Variants in EPB41L3 observed in about 807,000 individuals in gnomAD.
EPB41L3 encodes erythrocyte membrane protein band 4.1 like 3, also known as band 4.1-like protein 3.
EPB41L3 carries 57 observed loss-of-function variants against 127.1 expected under a neutral mutation model. That is an observed-to-expected ratio of 0.45 (90% CI 0.36 to 0.56). EPB41L3 has a LOEUF of 0.56. Among genes scored for constraint, EPB41L3 ranks in the 20% least tolerant of loss-of-function variants. EPB41L3 has a pLI of 0.00. For synonymous variants in EPB41L3, 572 were observed against 549.5 expected (o/e 1.04, Z -0.57); for missense variants, 1,273 against 1,372.2 (o/e 0.93, Z 1.14).
intron 2 of EPB41L3, among the ~76,000 whole-genome samples, chr18:5,487,328 T>C (rs976239129): frequency 6.6e-6 from 1 of 151,552 alleles, no homozygotes; most frequent in Non-Finnish European, 1.5e-5. Context: ...CTGGGAAGGA[T>C]AGGGAGGATG....
At chr18:5,427,095 TG>T (rs1158318260) in intron 9 of EPB41L3, among the ~76,000 whole-genome samples, 1 of 152,132 alleles carries the variant, frequency 6.6e-6, no homozygotes, top group African/African-American at 2.4e-5. Context: ...CTTAAATCCT[TG>T]GGCCCAGGTG....
At chr18:5,550,954 C>T (rs532011990) in intron 3 of EPB41L3, among the ~76,000 whole-genome samples, 5 of 152,324 alleles carry the variant, frequency 3.3e-5, no homozygotes, top group South Asian at 2.1e-4. Flanking sequence ...TCCCCTCCCA[C>T]GTCTTCTCAG....
intron 2 of EPB41L3, among the ~76,000 whole-genome samples, chr18:5,484,272 T>TA (rs112251771): frequency 6.2e-5 from 9 of 146,288 alleles, no homozygotes; most frequent in Admixed American, 1.4e-4. Context: ...ACTAAGAAGT[T>TA]AAAAAAAAAA....
chr18:5,605,262 G>A (rs998111879), intron 3 of EPB41L3, among the ~76,000 whole-genome samples: 2 of 152,056 alleles, frequency 1.3e-5, no homozygotes, highest in African/African-American at 4.8e-5. Flanking sequence ...TCAACACCTT[G>A]GCCACCCATG....
chr18:5,437,998 A>G, intron 6 of EPB41L3, 37 bp downstream of exon 6: 4 of 1,586,932 alleles, frequency 2.5e-6, no homozygotes, highest in Non-Finnish European at 3.5e-6. Context: ...CAACTCTCCC[A>G]ATATGCTTGT....
At chr18:5,424,637 G>T (rs1037347130) in intron 9 of EPB41L3, among the ~76,000 whole-genome samples, 2 of 152,076 alleles carry the variant, frequency 1.3e-5, no homozygotes, top group Non-Finnish European at 2.9e-5. Flanking sequence ...AACACGAAAA[G>T]GGGTTTTTTT....
Position 5,396,201 on chromosome 18 carries a change from C to A in EPB41L3, c.2973G>T (p.Gln991His). 6.2e-7 allele frequency: 1 copy of A among 1,614,076 alleles called. No homozygotes were observed. Reference sequence around the variant, plus strand: ...CTCTGGTCTTCACAGAATATCTCACCTGTGATGATTCATATGTGATGGTTT... The same window carrying A: ...CTCTGGTCTTCACAGAATATCTCACATGTGATGATTCATATGTGATGGTTT... ...ETKTITYESS[Q>H]VDPGTDLEPG... The change falls in exon 19 of 23, where the codon CAG (glutamine) becomes CAT (histidine). Residue 991 changes from glutamine to histidine, a missense_variant and splice_region_variant. Transcript: ENST00000341928.
intron 14 of EPB41L3, among the ~76,000 whole-genome samples, chr18:5,410,216 C>CT (rs2076026465): frequency 1.4e-5 from 2 of 143,266 alleles, no homozygotes; most frequent in African/African-American, 5.6e-5. Flanking sequence ...GAATTTTTTT[C>CT]TAAAAAAAAA....
chr18:5,510,799 G>A (rs1283149854), intron 1 of EPB41L3, among the ~76,000 whole-genome samples: 2 of 152,052 alleles, frequency 1.3e-5, no homozygotes, highest in African/African-American at 4.8e-5. Context: ...TAATCTAGTT[G>A]TTTTATTTTA....
At chr18:5,458,491 C>G (rs1284952036) in intron 3 of EPB41L3, among the ~76,000 whole-genome samples, 1 of 152,170 alleles carries the variant, frequency 6.6e-6, no homozygotes, top group Admixed American at 6.5e-5. Context: ...ATCAACACAC[C>G]TGGATCTGGA....
intron 3 of EPB41L3, among the ~76,000 whole-genome samples, chr18:5,593,315 GGA>G (rs1479161577): frequency 6.6e-6 from 1 of 151,978 alleles, no homozygotes; most frequent in Non-Finnish European, 1.5e-5. Flanking sequence ...AGAAATAAAG[GGA>G]GAGAGTACAA....
chr18:5,415,152 T>G (rs1393905487), intron 13 of EPB41L3, among the ~76,000 whole-genome samples: 1 of 152,268 alleles, frequency 6.6e-6, no homozygotes, highest in Non-Finnish European at 1.5e-5. Flanking sequence ...GTCTGAACAC[T>G]GCTGCACTGC....
chr18:5,399,547 C>A (rs2074144754), intron 16 of EPB41L3: 1 of 395,978 alleles, frequency 2.5e-6, no homozygotes, highest in African/African-American at 2.1e-5. Flanking sequence ...AATCTCTTCT[C>A]CTCTGAAATG....
At chr18:5,584,434 G>A (rs1404085000) in intron 3 of EPB41L3, among the ~76,000 whole-genome samples, 1 of 152,144 alleles carries the variant, frequency 6.6e-6, no homozygotes, top group African/African-American at 2.4e-5. Context: ...TTATTAAGGA[G>A]ACAGTAAGCT....
chr18:5,468,923 AAAACAAAAAACAAACAAAC>A (rs1568311675), intron 3 of EPB41L3, among the ~76,000 whole-genome samples: 2 of 150,444 alleles, frequency 1.3e-5, no homozygotes, highest in Non-Finnish European at 3.0e-5. Flanking sequence ...CAAAAAACAA[AAAACAAAAAACAAACAAAC>A]AAACAAACAA....
intron 15 of EPB41L3, 74 bp downstream of exon 15, chr18:5,407,627 T>C: frequency 6.7e-7 from 1 of 1,497,646 alleles, no homozygotes; most frequent in Non-Finnish European, 9.3e-7. Context: ...ATCTGAACGC[T>C]GTAGACAAAC....
chr18:5,503,064 C>T (rs1353223058), intron 1 of EPB41L3, among the ~76,000 whole-genome samples: 1 of 152,084 alleles, frequency 6.6e-6, no homozygotes, highest in South Asian at 2.1e-4. Context: ...AGATTTTCTA[C>T]AAAAGTACTA....
chr18:5,544,959 T>G (rs1198535323), upstream of EPB41L3, among the ~76,000 whole-genome samples: 1 of 152,208 alleles, frequency 6.6e-6, no homozygotes, highest in South Asian at 2.1e-4. Flanking sequence ...TAAATTTTTT[T>G]AATTTTTAAA....
chr18:5,430,728 A>AC (rs71368791), intron 8 of EPB41L3, among the ~76,000 whole-genome samples: 1 of 135,164 alleles, frequency 7.4e-6, no homozygotes, highest in Non-Finnish European at 1.6e-5. Flanking sequence ...CACACTCGAC[A>AC]TTTTTTTTTT....
Sources: gnomAD v4.1 joint callset for allele counts (sites outside exome capture counted in the v4.1 genomes callset) on GRCh38, gnomAD v4.1.1 for gene constraint, MANE v1.5 for transcripts, NCBI Gene and HGNC (gene_info 2026-07-23, HGNC 2026-07-21) for gene names.